Variants in UBR1 observed in about 807,000 individuals in gnomAD.
The protein encoded by UBR1 is ubiquitin protein ligase E3 component n-recognin 1.
A neutral mutation model predicts 242.1 loss-of-function variants in UBR1; 102 were observed. The ratio of observed to expected loss-of-function variants is 0.42; its 90% CI spans 0.36 to 0.50. The LOEUF (loss-of-function observed/expected upper bound fraction) is 0.50, where lower values mean the gene tolerates loss of function less well. Among genes scored for constraint, UBR1 ranks in the 20% least tolerant of loss-of-function variants. UBR1 has a pLI of 0.01. For missense variants in UBR1, 1,772 were observed against 2,101.8 expected (o/e 0.84, Z 3.07); for synonymous variants, 675 against 684.8 (o/e 0.99, Z 0.22).
intron 40 of UBR1, among the ~76,000 whole-genome samples, chr15:42,969,710 A>C (rs1442441421): frequency 6.6e-6 from 1 of 152,202 alleles, no homozygotes; most frequent in Admixed American, 6.5e-5. Context: ...AATAATAGAC[A>C]AACAGGGAGC....
At chr15:43,069,708 T>C (rs2033800515) in intron 5 of UBR1, among the ~76,000 whole-genome samples, 1 of 152,192 alleles carries the variant, frequency 6.6e-6, no homozygotes, top group Non-Finnish European at 1.5e-5. Flanking sequence ...AAAAGGCCAA[T>C]ATGTCATGGT....
At chr15:43,090,403 T>A (rs1170293684) in intron 1 of UBR1, among the ~76,000 whole-genome samples, 1 of 152,114 alleles carries the variant, frequency 6.6e-6, no homozygotes, top group Non-Finnish European at 1.5e-5. Flanking sequence ...GTCCATATTT[T>A]GGAAGTAATT....
intron 3 of UBR1, among the ~76,000 whole-genome samples, chr15:43,078,612 A>G (rs932639084): frequency 1.3e-5 from 2 of 152,190 alleles, no homozygotes; most frequent in Non-Finnish European, 2.9e-5. Context: ...ACTCAATTAC[A>G]TGGAGTCAAA....
intron 33 of UBR1, among the ~76,000 whole-genome samples, chr15:42,995,127 T>C (rs956948174): frequency 6.7e-6 from 1 of 149,638 alleles, no homozygotes; most frequent in Non-Finnish European, 1.5e-5. Context: ...AATAAAGTGA[T>C]ATTTCTACTT....
chr15:43,074,298 G>A (rs1281361968), intron 4 of UBR1, among the ~76,000 whole-genome samples: 2 of 152,070 alleles, frequency 1.3e-5, no homozygotes, highest in African/African-American at 2.4e-5. Flanking sequence ...ATATATCTAT[G>A]TAATCTAATT....
intron 1 of UBR1, among the ~76,000 whole-genome samples, chr15:43,105,431 C>A (rs192597647): frequency 6.6e-6 from 1 of 152,270 alleles, no homozygotes; most frequent in East Asian, 1.9e-4. Flanking sequence ...TGGGTTTCTC[C>A]ACTGAGGGTT....
In UBR1 at chr15:43,091,020, C is replaced by A. The variant is rs143488892; in HGVS notation, c.82-4780G>T. Among the ~76,000 whole-genome samples the A allele has an allele frequency of 7.8e-3, 1,185 of 152,216 alleles. 13 individuals are homozygous for A. The highest frequency in any genetic ancestry group is 0.026 in the African/African-American group (1,067 of 41,516). On this transcript the variant is annotated intron_variant, in intron 1 of 46. Coordinates refer to ENST00000290650, the MANE Select transcript of UBR1 (RefSeq NM_174916.3). ...AATGGCACGATCTCGGCCCATGCAACCTCTGCCTCCCGGGTTCAAGCAATT... is the reference window on the plus strand; with the variant it reads ...AATGGCACGATCTCGGCCCATGCAAACTCTGCCTCCCGGGTTCAAGCAATT...
intron 33 of UBR1, among the ~76,000 whole-genome samples, chr15:42,993,735 G>A (rs776118491): frequency 0.015 from 2,316 of 152,066 alleles, 33 homozygotes; most frequent in Non-Finnish European, 0.025. Context: ...CTACTCAGGA[G>A]GCTGAGGCAC....
rs1168878323 is a variant in UBR1 at position 43,017,198 on chromosome 15, A to C, written c.2941-17T>G. Reference sequence around the variant, plus strand: ...GTCAAACATCTGTGAAAAACAGATGAAACGTTAAAAGAGTTAGTTAGACTG... The same window carrying C: ...GTCAAACATCTGTGAAAAACAGATGCAACGTTAAAAGAGTTAGTTAGACTG... On this transcript the variant is annotated splice_polypyrimidine_tract_variant and intron_variant, in intron 27 of 46. Coordinates refer to ENST00000290650, the MANE Select transcript of UBR1 (RefSeq NM_174916.3). The C allele has an allele frequency of 1.3e-6, 2 of 1,583,878 alleles. No individual in the cohort carries two copies. The highest frequency in any genetic ancestry group is 3.3e-5 in the Admixed American group (2 of 59,854).
At chr15:43,010,670 GA>G (rs1157210038) in intron 29 of UBR1, among the ~76,000 whole-genome samples, 1 of 151,788 alleles carries the variant, frequency 6.6e-6, no homozygotes, top group African/African-American at 2.4e-5. Flanking sequence ...TTTTCAAGAG[GA>G]AATATAACTA....
chr15:43,051,377 C>T (rs999915255), intron 12 of UBR1, among the ~76,000 whole-genome samples: 13 of 152,102 alleles, frequency 8.5e-5, no homozygotes, highest in Non-Finnish European at 1.6e-4. Context: ...ATGATGAGAA[C>T]ACATGGACAC....
At chr15:43,054,613 C>A in intron 12 of UBR1, 129 bp downstream of exon 12, 1 of 1,045,096 alleles carries the variant, frequency 9.6e-7, no homozygotes, top group East Asian at 2.4e-5. Context: ...AGTAACAGTT[C>A]TTTGTACTTG....
chr15:43,015,597 C>T, intron 29 of UBR1, 91 bp downstream of exon 29: 1 of 1,405,482 alleles, frequency 7.1e-7, no homozygotes, highest in Non-Finnish European at 1.0e-6. Flanking sequence ...TCCTATGACC[C>T]TGCCAAATCC....
chr15:42,998,305 CA>C, intron 32 of UBR1, 40 bp from the exon 33 acceptor site: 1 of 1,554,878 alleles, frequency 6.4e-7, no homozygotes, highest in Non-Finnish European at 8.9e-7. Flanking sequence ...ACCATGGGTA[CA>C]AAGTCAAATG....
intron 11 of UBR1, among the ~76,000 whole-genome samples, chr15:43,055,286 A>T (rs2033603108): frequency 6.6e-6 from 1 of 152,130 alleles, no homozygotes; most frequent in Non-Finnish European, 1.5e-5. Flanking sequence ...CTCCACAAAA[A>T]ATACAAAAAT....
At chr15:43,084,329 A>C (rs922867301) in intron 2 of UBR1, among the ~76,000 whole-genome samples, 4 of 152,150 alleles carry the variant, frequency 2.6e-5, no homozygotes, top group Non-Finnish European at 4.4e-5. Flanking sequence ...AAACTTTTGG[A>C]GACATGAGGT....
At chr15:43,051,733 A>C (rs1330233537) in intron 12 of UBR1, among the ~76,000 whole-genome samples, 7 of 152,202 alleles carry the variant, frequency 4.6e-5, no homozygotes, top group Non-Finnish European at 1.0e-4. Context: ...CAAGTAAAGA[A>C]GATGTAAGGG....
chr15:43,074,353 T>C (rs910355487), intron 4 of UBR1, among the ~76,000 whole-genome samples: 13 of 152,220 alleles, frequency 8.5e-5, no homozygotes, highest in Admixed American at 5.9e-4. Context: ...ATATATCAGC[T>C]CTACACTTCT....
chr15:43,032,027 C>T (rs2033264063), intron 20 of UBR1, among the ~76,000 whole-genome samples: 1 of 152,072 alleles, frequency 6.6e-6, no homozygotes, highest in African/African-American at 2.4e-5. Context: ...GAGCAAGACT[C>T]CGTCTCAAAA....
Sources: allele counts gnomAD v4.1 joint callset (sites outside exome capture counted in the v4.1 genomes callset), GRCh38; gene constraint gnomAD v4.1.1; transcripts MANE v1.5; gene names NCBI Gene and HGNC (gene_info 2026-07-23, HGNC 2026-07-21).